The following ASB18 variants were observed in gnomAD, a reference collection of about 807,000 sequenced individuals.
ASB18 encodes ankyrin repeat and SOCS box containing 18.
Under a neutral mutation model 33.4 loss-of-function variants are expected in ASB18, and 33 were observed. The observed-to-expected ratio is 0.99, with a 90% confidence interval of 0.75 to 1.32. The LOEUF (loss-of-function observed/expected upper bound fraction) is 1.32, where lower values mean the gene tolerates loss of function less well. ASB18 is among the 40% of genes most tolerant of loss of function. ASB18 has a pLI of 0.00. For missense variants in ASB18, 694 were observed against 655.5 expected (o/e 1.06, Z -0.64); for synonymous variants, 295 against 307.6 (o/e 0.96, Z 0.43).
At position 236,235,812 on chromosome 2, in the gene ASB18, GC is replaced by G. The variant is rs1465366408; in HGVS notation, c.596+1876del. On this transcript the variant is annotated intron_variant, in intron 3 of 5. Transcript: ENST00000409749. The surrounding 1 kb of genome is among the most constrained non-coding windows in gnomAD (Gnocchi z 6.2). ...GTGCTCAAGCGATCCTCCCACCTCA[GC>G]CCCCTGAGTAGCTGGGATTACAGGT... 6.6e-6 allele frequency among the ~76,000 whole-genome samples: 1 copy of G among 152,140 alleles called. No homozygotes were observed. Among genetic ancestry groups the G allele is most frequent in the East Asian group, 1.9e-4 (1 of 5,186 alleles).
intron 3 of ASB18, among the ~76,000 whole-genome samples, chr2:236,230,577 C>A (rs565778329): frequency 6.6e-6 from 1 of 151,724 alleles, no homozygotes; most frequent in Admixed American, 6.6e-5. Flanking sequence ...AATAATAGCA[C>A]AAAGGCCAGG....
rs907474250 is a variant in ASB18 at position 236,252,840 on chromosome 2, G to A, written c.205+11301C>T. Among the ~76,000 whole-genome samples, 3 of 152,208 alleles carry A rather than the reference G, an allele frequency of 2.0e-5. No homozygotes were observed. The highest frequency in any genetic ancestry group is 2.4e-5 in the African/African-American group (1 of 41,452). The stretch of plus-strand genomic sequence containing the variant: ...CAGGCCCCAGCTGTAGGGAGGACTT[G>A]TCACCCCAGCTGTCAGCTCCTCCAT... On this transcript the variant is annotated intron_variant, in intron 1 of 5. Transcript: ENST00000409749. This position sits in a 1 kb window ranked among gnomAD's most constrained non-coding sequence, Gnocchi z 7.9.
At position 236,245,334 on chromosome 2, in the gene ASB18, C is replaced by A. The variant is rs556711278; in HGVS notation, c.206-3932G>T. Among the ~76,000 whole-genome samples the A allele has an allele frequency of 1.3e-5, 2 of 152,150 alleles. No individual in the cohort carries two copies. Among genetic ancestry groups the A allele is most frequent in the South Asian group, 4.1e-4 (2 of 4,828 alleles). On this transcript the variant is annotated intron_variant, in intron 1 of 5. Coordinates refer to ENST00000409749, the MANE Select transcript of ASB18 (RefSeq NM_212556.4). This position sits in a 1 kb window ranked among gnomAD's most constrained non-coding sequence, Gnocchi z 4.7. ...AGGTTGATACCCTTGATGTCATTTGCAGGTGAGGAAACTGGGACTCACAGA... is the reference window on the plus strand; with the variant it reads ...AGGTTGATACCCTTGATGTCATTTGAAGGTGAGGAAACTGGGACTCACAGA...
rs1019061196 is a variant in ASB18 at position 236,256,432 on chromosome 2, G to A, written c.205+7709C>T. Among the ~76,000 whole-genome samples, 1 of 152,136 alleles carries A rather than the reference G, an allele frequency of 6.6e-6. No homozygotes were observed. The highest frequency in any genetic ancestry group is 1.5e-5 in the Non-Finnish European group (1 of 68,024). ...AGAGGTTGGCATTAAAAGATAGTGG[G>A]GCATTGGATGGGAAGCTAGAATCAG... On this transcript the variant is annotated intron_variant, in intron 1 of 5. Transcript: ENST00000409749. The surrounding 1 kb of genome is among the most constrained non-coding windows in gnomAD (Gnocchi z 4.7).
rs1175654916 is a variant in ASB18 at position 236,260,813 on chromosome 2, CA to C, written c.205+3327del. 2.0e-5 allele frequency among the ~76,000 whole-genome samples: 3 copies of C among 152,158 alleles called. No homozygotes were observed. Among genetic ancestry groups the C allele is most frequent in the Non-Finnish European group, 4.4e-5 (3 of 68,032 alleles). ...AAGTCCCTTTGTGGTAAAACTCCTC[CA>C]AGCCTTTGATATGTCATCGTGCCAG... On this transcript the variant is annotated intron_variant, in intron 1 of 5. Coordinates refer to ENST00000409749, the MANE Select transcript of ASB18 (RefSeq NM_212556.4). The surrounding 1 kb of genome is among the most constrained non-coding windows in gnomAD (Gnocchi z 5.1).
intron 4 of ASB18, among the ~76,000 whole-genome samples, chr2:236,202,281 T>A (rs908481808): frequency 1.3e-5 from 2 of 151,902 alleles, no homozygotes; most frequent in African/African-American, 4.8e-5. Flanking sequence ...TTTGTTTCAC[T>A]TTGTTTTAAA....
At position 236,237,689 on chromosome 2, in the gene ASB18, C is replaced by G; in HGVS notation, c.596G>C (p.Gly199Ala). 2.8e-6 allele frequency: 4 copies of G among 1,448,394 alleles called. No homozygotes were observed. The highest frequency in any genetic ancestry group is 3.6e-6 in the Non-Finnish European group (4 of 1,106,876). 89.7% of individuals were successfully genotyped at this position (1,448,394 alleles called of 1,614,324 possible). ...LHLCRTAASLGCAQALLEHGA... is the reference protein window; with the variant it reads ...LHLCRTAASLACAQALLEHGA... ...CGCGGGCCTGTCCCGAGGTCCTTAC[C>G]CGAGCGAGGCGGCCGTGCGGCAGAG... Residue 199 changes from glycine (G) to alanine (A), a missense_variant and splice_region_variant, in exon 3 of 6, where the codon GGG (glycine) becomes GCG (alanine). By Grantham distance (60) the Gly-to-Ala change is moderately conservative (BLOSUM62 0). Transcript: ENST00000409749. The surrounding 1 kb of genome is among the most constrained non-coding windows in gnomAD (Gnocchi z 6.2).
At chr2:236,202,464 T>G (rs1258796455) in intron 4 of ASB18, among the ~76,000 whole-genome samples, 3 of 152,144 alleles carry the variant, frequency 2.0e-5, no homozygotes, top group Non-Finnish European at 4.4e-5. Flanking sequence ...TGGATTCATC[T>G]TCCGTATTTT....
At chr2:236,261,723 T>C (rs2060719611) in intron 1 of ASB18, among the ~76,000 whole-genome samples, 1 of 152,136 alleles carries the variant, frequency 6.6e-6, no homozygotes, top group Admixed American at 6.5e-5. Context: ...AGAGACTGAG[T>C]AATTTATAAA....
chr2:236,194,890 T>C lies in ASB18; in HGVS notation c.1383A>G (p.Pro461=). 6.2e-7 allele frequency: 1 copy of C among 1,613,540 alleles called. No homozygotes were observed. Among genetic ancestry groups the C allele is most frequent in the Non-Finnish European group, 8.5e-7 (1 of 1,179,720 alleles). Residue 461 remains proline, a synonymous_variant, in exon 6 of 6, where the codon CCA becomes CCG. Coordinates refer to ENST00000409749, the MANE Select transcript of ASB18 (RefSeq NM_212556.4). This position sits in a 1 kb window ranked among gnomAD's most constrained non-coding sequence, Gnocchi z 4.5. ...CTGCGTTTCAGTGCAAAACACCCTG[T>C]GGCTCCAAAAGTAGGTAATTCTGCA... The part of the protein sequence containing the change: ...KPLQNYLLLE[P]QGVLH
Position 236,231,098 on chromosome 2 carries a change from G to A in ASB18, c.596+6591C>T, listed in dbSNP as rs185514367. Among the ~76,000 whole-genome samples the A allele has an allele frequency of 1.3e-3, 204 of 152,240 alleles. 7 individuals carry two copies. The South Asian group carries it at 0.038, about 28-fold the overall frequency. Reference sequence around the variant, plus strand: ...ATGCTCTTCTCTCCTCTCCTTGAGCGTGGGCAGAACCTTTGATTTGCCGCT... The same window carrying A: ...ATGCTCTTCTCTCCTCTCCTTGAGCATGGGCAGAACCTTTGATTTGCCGCT... On this transcript the variant is annotated intron_variant, in intron 3 of 5. Transcript: ENST00000409749. The surrounding 1 kb of genome is among the most constrained non-coding windows in gnomAD (Gnocchi z 5.5).
chr2:236,210,729 G>T (rs551651290), intron 4 of ASB18, among the ~76,000 whole-genome samples: 1 of 152,328 alleles, frequency 6.6e-6, no homozygotes, highest in African/African-American at 2.4e-5. Flanking sequence ...GGTGTCAGGT[G>T]ACATCCAGGG....
At chr2:236,199,528 A>G (rs540556101) in intron 4 of ASB18, among the ~76,000 whole-genome samples, 61 of 150,312 alleles carry the variant, frequency 4.1e-4, no homozygotes, top group African/African-American at 1.2e-3. Flanking sequence ...ATAAAAATAT[A>G]AAATGATAAT....
rs1559331721 is a variant in ASB18 at position 236,221,733 on chromosome 2, C to T, written c.597-6867G>A. On this transcript the variant is annotated intron_variant, in intron 3 of 5. Coordinates refer to ENST00000409749, the MANE Select transcript of ASB18 (RefSeq NM_212556.4). The surrounding 1 kb of genome is among the most constrained non-coding windows in gnomAD (Gnocchi z 5.6). ...ACCGGAGTCCTTGGGCAATCCTGAG[C>T]TCCCTCTCCTGTTCTCCTTATGTGA... Among the ~76,000 whole-genome samples, 1 of 152,196 alleles carries T rather than the reference C, an allele frequency of 6.6e-6. No individual in the cohort carries two copies. Among genetic ancestry groups the T allele is most frequent in the Non-Finnish European group, 1.5e-5 (1 of 68,032 alleles).
At chr2:236,210,156 C>T (rs7567533) in intron 4 of ASB18, among the ~76,000 whole-genome samples, 71,479 of 152,104 alleles carry the variant, frequency 0.47, 21,294 homozygotes, top group African/African-American at 0.86. Flanking sequence ...GGGAAATACA[C>T]ATGCTCCTGC....
rs562681573 is a variant in ASB18, at chr2:236,194,443, T to G, written c.*429A>C. On this transcript the variant is annotated 3_prime_UTR_variant, in exon 6 of 6. Coordinates refer to ENST00000409749, the MANE Select transcript of ASB18 (RefSeq NM_212556.4). This position sits in a 1 kb window ranked among gnomAD's most constrained non-coding sequence, Gnocchi z 4.5. ...ATTTAGAAGTGTGGTGATCTTTTTG[T>G]GACCAGAAATATGCTGTAGGAACAT... Among the ~76,000 whole-genome samples, 1 of 152,370 alleles carries G rather than the reference T, an allele frequency of 6.6e-6. No homozygotes were observed. Among genetic ancestry groups the G allele is most frequent in the East Asian group, 1.9e-4 (1 of 5,192 alleles).
intron 1 of ASB18, among the ~76,000 whole-genome samples, chr2:236,246,956 C>T (rs1377451): frequency 0.26 from 39,647 of 152,078 alleles, 7,869 homozygotes; most frequent in African/African-American, 0.56. Flanking sequence ...TATAGCTTGT[C>T]GTTGGTTATT....
In ASB18 at chr2:236,204,587, G is replaced by A. The variant is rs1437734202; in HGVS notation, c.1102-8202C>T. Among the ~76,000 whole-genome samples the A allele has an allele frequency of 1.3e-5, 2 of 152,122 alleles. No individual in the cohort carries two copies. Among genetic ancestry groups the A allele is most frequent in the East Asian group, 1.9e-4 (1 of 5,178 alleles). ...CTCTCCCTCTCAAACTTTGGGCTTC[G>A]ATATCCAGCTGCTTACATTGTAGCT... is the stretch of plus-strand genomic sequence containing the variant. On this transcript the variant is annotated intron_variant, in intron 4 of 5. Transcript: ENST00000409749. This position sits in a 1 kb window ranked among gnomAD's most constrained non-coding sequence, Gnocchi z 5.1.
chr2:236,259,705 G>T lies in ASB18; in HGVS notation c.205+4436C>A. The T allele has an allele frequency of 2.4e-6, 1 of 417,040 alleles. No homozygotes were observed. The highest frequency in any genetic ancestry group is 5.0e-6 in the Non-Finnish European group (1 of 199,218). The allele number at this position is 417,040 out of a possible 1,614,324, so 25.8% of individuals were successfully genotyped here. A position where few individuals can be genotyped will look rare whatever the true frequency, so the allele number is the denominator to read the frequency against. On this transcript the variant is annotated intron_variant, in intron 1 of 5. Coordinates refer to ENST00000409749, the MANE Select transcript of ASB18 (RefSeq NM_212556.4). This position sits in a 1 kb window ranked among gnomAD's most constrained non-coding sequence, Gnocchi z 4.4. ...CTCAGTGAGCCCAGCAGGATGTTGG[G>T]CATCTCAGGTCCATCCTTGCAGGAG...
Sources: allele counts gnomAD v4.1 joint callset (sites outside exome capture counted in the v4.1 genomes callset), GRCh38; gene constraint gnomAD v4.1.1; non-coding constraint Gnocchi (gnomAD v3.1); transcripts MANE v1.5; gene names NCBI Gene and HGNC (gene_info 2026-07-23, HGNC 2026-07-21).